Variants in DAB1 observed in about 807,000 individuals in gnomAD.
The protein encoded by DAB1 is DAB adaptor protein 1.
A neutral mutation model predicts 64.6 loss-of-function variants in DAB1; 15 were observed. The ratio of observed to expected loss-of-function variants is 0.23; its 90% CI spans 0.16 to 0.36. The LOEUF (loss-of-function observed/expected upper bound fraction) is 0.36. Ranked by LOEUF, DAB1 falls within the 10% of genes least tolerant of loss-of-function variation. The pLI, the probability that DAB1 is intolerant of heterozygous loss-of-function variation, is 1.00. For synonymous variants in DAB1, 235 were observed against 251.9 expected, an observed-to-expected ratio of 0.93 and a Z score of 0.64; for missense variants, 596 against 706.7, an observed-to-expected ratio of 0.84 and a Z score of 1.78.
intron 7 of DAB1, among the ~76,000 whole-genome samples, chr1:57,475,138 G>A (rs368823718): frequency 6.6e-6 from 1 of 152,098 alleles, no homozygotes; most frequent in Non-Finnish European, 1.5e-5. Context: ...TTAGCCAGGC[G>A]CAGTGGTGCC....
intron 1 of DAB1, among the ~76,000 whole-genome samples, chr1:57,379,169 C>A (rs556445637): frequency 4.0e-5 from 6 of 150,256 alleles, no homozygotes; most frequent in South Asian, 4.3e-4. Context: ...GCTAAGAAAC[C>A]CCCTCCCCCA....
At chr1:58,458,411 T>G (rs1225392007) in intron 3 of DAB1, among the ~76,000 whole-genome samples, 1 of 152,214 alleles carries the variant, frequency 6.6e-6, no homozygotes, top group Admixed American at 6.5e-5. Flanking sequence ...CTGGTCAATT[T>G]GGAGCCAGGA....
chr1:58,119,653 C>T (rs1652616286), intron 5 of DAB1, among the ~76,000 whole-genome samples: 1 of 152,238 alleles, frequency 6.6e-6, no homozygotes, highest in Non-Finnish European at 1.5e-5. Flanking sequence ...GGAAAGCAGG[C>T]CTTCTCCAGG....
chr1:58,206,837 T>G (rs1364455642), intron 4 of DAB1, among the ~76,000 whole-genome samples: 2 of 152,226 alleles, frequency 1.3e-5, no homozygotes, highest in African/African-American at 2.4e-5. Flanking sequence ...CTATGTGATT[T>G]TGCAGCTCAA....
At chr1:58,023,304 C>T (rs1016627964) in intron 5 of DAB1, among the ~76,000 whole-genome samples, 1 of 152,100 alleles carries the variant, frequency 6.6e-6, no homozygotes, top group African/African-American at 2.4e-5. Context: ...ACACACATCC[C>T]TCTTCTAATG....
chr1:58,097,700 G>A lies in DAB1; in HGVS notation n.387+52811C>T, dbSNP rs115757731. Among the ~76,000 whole-genome samples the A allele has an allele frequency of 1.8e-3, 280 of 152,268 alleles. 2 individuals are homozygous for A. Among genetic ancestry groups the A allele is most frequent in the African/African-American group, 6.4e-3 (264 of 41,570 alleles). ...CAAGAAGCCAGTATGGTAGAGTTCC[G>A]AGGTAGGGGGTGTTGGTACCAGATG... is the stretch of plus-strand genomic sequence containing the variant. On this transcript the variant is annotated intron_variant and non_coding_transcript_variant, in intron 5 of 20. Transcript: ENST00000485760.
chr1:57,775,788 A>C (rs1482872478), intron 6 of DAB1, among the ~76,000 whole-genome samples: 1 of 151,628 alleles, frequency 6.6e-6, no homozygotes, highest in Non-Finnish European at 1.5e-5. Flanking sequence ...TCAATTACTG[A>C]GAGAAGAAAT....
chr1:58,072,568 A>C (rs2100574397), intron 5 of DAB1, among the ~76,000 whole-genome samples: 1 of 152,300 alleles, frequency 6.6e-6, no homozygotes, highest in South Asian at 2.1e-4. Flanking sequence ...ACAGAGTAGG[A>C]ATCAAGTCAG....
chr1:57,744,733 C>A (rs949866348), intron 6 of DAB1, among the ~76,000 whole-genome samples: 13 of 152,166 alleles, frequency 8.5e-5, no homozygotes, highest in African/African-American at 3.1e-4. Flanking sequence ...TGCCAAGTAG[C>A]CATTCTCCAC....
At chr1:58,257,218 C>A (rs922228603) in intron 4 of DAB1, among the ~76,000 whole-genome samples, 1 of 152,234 alleles carries the variant, frequency 6.6e-6, no homozygotes, top group Non-Finnish European at 1.5e-5. Flanking sequence ...AACCAAGCTG[C>A]AAACTCAAAT....
In DAB1 at chr1:57,051,340, A is replaced by G. The variant is rs549274799; in HGVS notation, c.723+11544T>C. On this transcript the variant is annotated intron_variant, in intron 9 of 14. Transcript: ENST00000371236. ...GGAAGTGAAATTGACAAACGTTCAG[A>G]CAAGATTTAATCCAATTATCCAACA... 2.0e-5 allele frequency among the ~76,000 whole-genome samples: 3 copies of G among 152,352 alleles called. No individual in the cohort carries two copies. In the East Asian group the frequency reaches 5.8e-4, roughly 29 times the overall value.
chr1:57,557,759 A>G (rs1227426556), intron 7 of DAB1, among the ~76,000 whole-genome samples: 1 of 152,188 alleles, frequency 6.6e-6, no homozygotes, highest in East Asian at 1.9e-4. Context: ...CAAGGAGTTT[A>G]GTGACTCTAT....
chr1:57,098,817 C>T (rs1654407422), intron 4 of DAB1, among the ~76,000 whole-genome samples: 1 of 151,996 alleles, frequency 6.6e-6, no homozygotes, highest in South Asian at 2.1e-4. Flanking sequence ...TCTTGATTGC[C>T]CTGGGGATGA....
chr1:57,768,190 A>AAG (rs1298439747), intron 6 of DAB1, among the ~76,000 whole-genome samples: 1 of 150,682 alleles, frequency 6.6e-6, no homozygotes, highest in Non-Finnish European at 1.5e-5. Context: ...AAAAAAAAAA[A>AAG]AAAAAAAGTT....
Position 58,353,452 on chromosome 1 carries a change from A to T in DAB1, n.258-10049T>A, listed in dbSNP as rs573058468. On this transcript the variant is annotated intron_variant and non_coding_transcript_variant, in intron 3 of 20. Coordinates refer to the DAB1 transcript ENST00000485760. ...ACTGCTACCAGGACATTAATGCTTT[A>T]CAGATTGTATTAGTCTACAATATTC... Among the ~76,000 whole-genome samples the T allele has an allele frequency of 2.6e-5, 4 of 152,332 alleles. No homozygotes were observed. In the East Asian group the frequency reaches 7.7e-4, roughly 29 times the overall value.
chr1:57,921,372 T>C (rs1201256527), intron 5 of DAB1, among the ~76,000 whole-genome samples: 1 of 152,118 alleles, frequency 6.6e-6, no homozygotes, highest in Non-Finnish European at 1.5e-5. Flanking sequence ...TTTATATTAT[T>C]TTAATTGTTT....
In DAB1 at chr1:57,173,928, T is replaced by G. The variant is rs369437898; in HGVS notation, c.68-28499A>C. ...TCATGGGATTTCCCAATTAAATATC[T>G]AATTTATCTTTTATATTTAAAATGA... On this transcript the variant is annotated intron_variant, in intron 2 of 14. Coordinates refer to ENST00000371236, the MANE Select transcript of DAB1 (RefSeq NM_001365792.1). Among the ~76,000 whole-genome samples, 45 of 152,322 alleles carry G rather than the reference T, an allele frequency of 3.0e-4. 1 individual carries two copies. The South Asian group carries it at 8.1e-3, about 27-fold the overall frequency.
At chr1:57,633,810 G>C (rs1558560236) in intron 7 of DAB1, among the ~76,000 whole-genome samples, 1 of 152,174 alleles carries the variant, frequency 6.6e-6, no homozygotes, top group Non-Finnish European at 1.5e-5. Context: ...CGTACATTTT[G>C]CCAGGTATCT....
intron 1 of DAB1, among the ~76,000 whole-genome samples, chr1:57,345,611 A>G (rs1678014361): frequency 6.6e-6 from 1 of 152,174 alleles, no homozygotes; most frequent in Non-Finnish European, 1.5e-5. Flanking sequence ...AAATTCTACA[A>G]TCTTTCATAA....
Sources: gnomAD v4.1 joint callset for allele counts (sites outside exome capture counted in the v4.1 genomes callset) on GRCh38, gnomAD v4.1.1 for gene constraint, MANE v1.5 for transcripts, NCBI Gene and HGNC (gene_info 2026-07-23, HGNC 2026-07-21) for gene names.